EPHX2: variants seen among roughly 807,000 people sequenced by gnomAD.
EPHX2 encodes epoxide hydrolase 2, also known as bifunctional epoxide hydrolase 2.
In EPHX2, 74 loss-of-function variants were observed where a neutral mutation model predicts 78.7. That is an observed-to-expected ratio of 0.94 (90% CI 0.78 to 1.14). The LOEUF is 1.14. EPHX2 is among the 50% of genes most tolerant of loss of function. EPHX2 has a pLI of 0.00. For synonymous variants in EPHX2, 251 were observed against 255.2 expected (o/e 0.98, Z 0.16); for missense variants, 715 against 702.5 (o/e 1.02, Z -0.20).
At chr8:27,520,167 AT>A (rs918564938) in intron 9 of EPHX2, among the ~76,000 whole-genome samples, 2 of 145,396 alleles carry the variant, frequency 1.4e-5, no homozygotes, top group Admixed American at 6.9e-5. Context: ...TTTTAATTTT[AT>A]TTTTTTTATT....
chr8:27,524,172 A>T (rs1258008169), intron 11 of EPHX2, among the ~76,000 whole-genome samples: 1 of 152,130 alleles, frequency 6.6e-6, no homozygotes, highest in Non-Finnish European at 1.5e-5. Context: ...GCCTCAAGTG[A>T]TCCACCCCCA....
chr8:27,494,602 G>T (rs1005624705), intron 1 of EPHX2, among the ~76,000 whole-genome samples: 8 of 152,224 alleles, frequency 5.3e-5, no homozygotes, highest in Non-Finnish European at 1.5e-5. Context: ...CTAACTGCCA[G>T]TCTTCTCCTA....
intron 2 of EPHX2, among the ~76,000 whole-genome samples, chr8:27,501,379 TTCTTCTTC>T (rs764238761): frequency 2.3e-4 from 25 of 109,832 alleles, no homozygotes; most frequent in East Asian, 6.9e-4. Context: ...CTTCTTCTTC[TTCTTCTTC>T]TTCTTCTTTC....
intron 5 of EPHX2, among the ~76,000 whole-genome samples, chr8:27,509,986 G>C (rs1814174849): frequency 6.6e-6 from 1 of 152,160 alleles, no homozygotes; most frequent in African/African-American, 2.4e-5. Flanking sequence ...CTGCTCACAG[G>C]CCTTGGCTCC....
At chr8:27,496,746 C>A (rs1813587794) in intron 1 of EPHX2, among the ~76,000 whole-genome samples, 1 of 152,080 alleles carries the variant, frequency 6.6e-6, no homozygotes, top group South Asian at 2.1e-4. Context: ...AGGGATATTG[C>A]CTTTGATAAG....
At chr8:27,534,042 C>T (rs1032076378) in intron 12 of EPHX2, among the ~76,000 whole-genome samples, 2 of 152,180 alleles carry the variant, frequency 1.3e-5, no homozygotes, top group Non-Finnish European at 2.9e-5. Flanking sequence ...GGACTGCTCT[C>T]AGTAAATAAG....
At chr8:27,536,752 G>A in intron 12 of EPHX2, 32 bp from the exon 13 acceptor site, 2 of 1,612,694 alleles carry the variant, frequency 1.2e-6, no homozygotes, top group South Asian at 2.2e-5. Flanking sequence ...ATTTCTAGGG[G>A]GTCCTTCATT....
At chr8:27,522,916 A>C (rs1221965774) in intron 11 of EPHX2, among the ~76,000 whole-genome samples, 1 of 143,362 alleles carries the variant, frequency 7.0e-6, no homozygotes, top group Non-Finnish European at 1.5e-5. Context: ...AGCCAAGATC[A>C]TGCCATTGCC....
At chr8:27,529,496 C>T (rs1057181548) in intron 12 of EPHX2, among the ~76,000 whole-genome samples, 1 of 152,200 alleles carries the variant, frequency 6.6e-6, no homozygotes, top group Non-Finnish European at 1.5e-5. Context: ...TCTCCCACCT[C>T]ACGACACTGG....
In EPHX2 at chr8:27,506,864, G is replaced by A. The variant is rs756917086; in HGVS notation, c.538-8G>A. On this transcript the variant is annotated splice_polypyrimidine_tract_variant and splice_region_variant and intron_variant, in intron 4 of 18. Coordinates refer to ENST00000521400, the MANE Select transcript of EPHX2 (RefSeq NM_001979.6). ...TTCTGAGATTCTCCCATGCTGTTTTGGGCTCAGGTCGTTTTTTTGGATGAC... is the reference window on the plus strand; with the variant it reads ...TTCTGAGATTCTCCCATGCTGTTTTAGGCTCAGGTCGTTTTTTTGGATGAC... 66 of 1,613,392 alleles carry A rather than the reference G, an allele frequency of 4.1e-5. 2 individuals carry two copies. The South Asian group carries it at 4.9e-4, about 12-fold the overall frequency.
chr8:27,539,001 C>A (rs570241452), intron 14 of EPHX2: 10 of 357,640 alleles, frequency 2.8e-5, no homozygotes, highest in Non-Finnish European at 4.1e-5. Flanking sequence ...GAGAGCTTAC[C>A]TCTATGGGGG....
chr8:27,548,559 C>T (rs1477431391), downstream of EPHX2, among the ~76,000 whole-genome samples: 1 of 152,194 alleles, frequency 6.6e-6, no homozygotes, highest in Non-Finnish European at 1.5e-5. Flanking sequence ...CCCAACCCAG[C>T]ACTGGCCTGG....
At chr8:27,515,694 C>T (rs768584828) in intron 6 of EPHX2, 24 bp from the exon 7 acceptor site, 2 of 1,608,276 alleles carry the variant, frequency 1.2e-6, no homozygotes, top group Non-Finnish European at 1.7e-6. Context: ...TTGGTCGCTG[C>T]CCTCTCCTCT....
At chr8:27,539,055 G>A (rs1815307563) in intron 14 of EPHX2, 1 of 216,206 alleles carries the variant, frequency 4.6e-6, no homozygotes, top group Admixed American at 5.3e-5. Context: ...CCCCTGCCCA[G>A]GTCTCCTCCA....
intron 6 of EPHX2, among the ~76,000 whole-genome samples, chr8:27,513,544 A>C (rs563584256): frequency 2.1e-4 from 32 of 152,276 alleles, no homozygotes; most frequent in African/African-American, 7.7e-4. Context: ...GCTGGCAGTG[A>C]ATTTCTGGGG....
intron 14 of EPHX2, among the ~76,000 whole-genome samples, chr8:27,539,867 TC>T (rs1362615049): frequency 6.6e-6 from 1 of 152,172 alleles, no homozygotes; most frequent in East Asian, 1.9e-4. Context: ...AATGACCAGT[TC>T]CTGTGCCTCC....
chr8:27,504,874 C>T, intron 3 of EPHX2, 82 bp from the exon 4 acceptor site: 1 of 1,441,838 alleles, frequency 6.9e-7, no homozygotes, highest in South Asian at 1.2e-5. Flanking sequence ...CTTGGCCCAT[C>T]ATTGGAGTCC....
intron 12 of EPHX2, among the ~76,000 whole-genome samples, chr8:27,532,185 C>T (rs56245849): frequency 0.086 from 12,997 of 152,004 alleles, 573 homozygotes; most frequent in Non-Finnish European, 0.1. Flanking sequence ...TAATGAAGAC[C>T]CTGGCCCCTT....
At chr8:27,494,019 A>C (rs1488143098) in intron 1 of EPHX2, among the ~76,000 whole-genome samples, 1 of 152,202 alleles carries the variant, frequency 6.6e-6, no homozygotes, top group Non-Finnish European at 1.5e-5. Flanking sequence ...TCCAGGGGTG[A>C]ATGGTCATGC....
Sources: allele counts gnomAD v4.1 joint callset (sites outside exome capture counted in the v4.1 genomes callset), GRCh38; gene constraint gnomAD v4.1.1; transcripts MANE v1.5; gene names NCBI Gene and HGNC (gene_info 2026-07-23, HGNC 2026-07-21).